CDHR2: variants seen among roughly 807,000 people sequenced by gnomAD.
The protein encoded by CDHR2 is cadherin-related family member 2.
CDHR2 carries 104 observed loss-of-function variants against 138.6 expected under a neutral mutation model. That is an observed-to-expected ratio of 0.75 (90% CI 0.64 to 0.88). CDHR2 has a LOEUF of 0.88. CDHR2 is among the 40% of genes least tolerant of loss of function. The pLI, the probability that CDHR2 is intolerant of heterozygous loss-of-function variation, is 0.00. For synonymous variants in CDHR2, 755 were observed against 742.8 expected (o/e 1.02, Z -0.27); for missense variants, 1,624 against 1,727.6 (o/e 0.94, Z 1.06).
chr5:176,564,688 A>AC (rs1252128262), intron 1 of CDHR2, among the ~76,000 whole-genome samples: 1 of 151,954 alleles, frequency 6.6e-6, no homozygotes, highest in Non-Finnish European at 1.5e-5. Flanking sequence ...CCCTCCCTAG[A>AC]CCCACCTGAC....
chr5:176,589,688 G>T, intron 24 of CDHR2, 72 bp downstream of exon 24: 1 of 1,302,290 alleles, frequency 7.7e-7, no homozygotes, highest in East Asian at 2.3e-5. Flanking sequence ...GACAAAACCT[G>T]GATGGGATGT....
chr5:176,548,861 A>T (rs949392638), upstream of CDHR2, among the ~76,000 whole-genome samples: 1 of 152,122 alleles, frequency 6.6e-6, no homozygotes, highest in South Asian at 2.1e-4. Flanking sequence ...ACAGGCTCGA[A>T]AGTGGGTTGT....
chr5:176,580,902 A>C (rs1288518529), intron 16 of CDHR2, among the ~76,000 whole-genome samples: 8 of 152,168 alleles, frequency 5.3e-5, no homozygotes, highest in Admixed American at 3.3e-4. Flanking sequence ...AAAAGAAAAA[A>C]TATGTATATA....
At chr5:176,573,490 A>T (rs968400887) in intron 6 of CDHR2, among the ~76,000 whole-genome samples, 4 of 149,122 alleles carry the variant, frequency 2.7e-5, no homozygotes, top group African/African-American at 9.9e-5. Flanking sequence ...AAATATATAT[A>T]AAAAAAATTA....
Position 176,589,202 on chromosome 5 carries a change from G to A in CDHR2, c.3008+20G>A. On this transcript the variant is annotated intron_variant, in intron 22 of 31. Transcript: ENST00000261944. Reference sequence around the variant, plus strand: ...CATTCAGTAACTGCGGGCGGCCCCGGGAGGGAGGTTGCGGGGAGGGGCCCG... The same window carrying A: ...CATTCAGTAACTGCGGGCGGCCCCGAGAGGGAGGTTGCGGGGAGGGGCCCG... The A allele has an allele frequency of 6.2e-7, 1 of 1,613,780 alleles. No homozygotes were observed.
intron 6 of CDHR2, among the ~76,000 whole-genome samples, chr5:176,572,341 T>C (rs1758257039): frequency 6.6e-6 from 1 of 151,398 alleles, no homozygotes; most frequent in Non-Finnish European, 1.5e-5. Flanking sequence ...TGAGCCGAGA[T>C]TGCACCATTG....
intron 24 of CDHR2, 61 bp downstream of exon 24, chr5:176,589,677 C>G: frequency 1.4e-6 from 2 of 1,426,826 alleles, no homozygotes. Flanking sequence ...GCCTGGTCCC[C>G]GACAAAACCT....
rs3749625 is a variant in CDHR2, at chr5:176,586,828, G to A, written c.2842G>A (p.Val948Met). ...IPELVLPNREVASVRARDDDS... is the reference protein window; with the variant it reads ...IPELVLPNREMASVRARDDDS... ...TGAACTCGTGCTGCCCAACCGGGAG[G>A]TGGCTTCTGTCCGGGTAAGTTCTTG... Residue 948 changes from valine (V) to methionine (M), a missense_variant, in exon 21 of 32, where the codon GTG (valine) becomes ATG (methionine). Around this residue, in one of 3 missense-constraint regions of CDHR2, gnomAD observed 556 missense variants for 565.7 expected, o/e 0.98. Transcript: ENST00000261944. 334 of 1,610,124 alleles carry A rather than the reference G, an allele frequency of 2.1e-4. 3 individuals carry two copies. The East Asian group carries it at 7.3e-3, about 35-fold the overall frequency.
At chr5:176,567,682 G>A (rs536724504) in intron 3 of CDHR2, among the ~76,000 whole-genome samples, 124 of 151,636 alleles carry the variant, frequency 8.2e-4, no homozygotes, top group Non-Finnish European at 1.5e-3. Context: ...TAGTAGAGAC[G>A]GGGTTTCACC....
chr5:176,580,128 A>ACGCACTCACACG (rs1231434636), intron 16 of CDHR2, among the ~76,000 whole-genome samples: 2 of 151,788 alleles, frequency 1.3e-5, no homozygotes, highest in Non-Finnish European at 2.9e-5. Flanking sequence ...ACACTCACGC[A>ACGCACTCACACG]CGCACTCACA....
In CDHR2 at chr5:176,584,462, C is replaced by T. The variant is rs780200322; in HGVS notation, c.2181C>T (p.Asn727=). Residue 727 remains asparagine (N), a synonymous_variant, in exon 19 of 32, where the codon AAC becomes AAT. Transcript: ENST00000261944. ...KAWDADQTEA[N]NRISFSLSGS... ...GGGACGCGGACCAGACGGAAGCCAA[C>T]AACCGCATCAGCTTCAGCCTGTCGG... is the stretch of plus-strand genomic sequence containing the variant. The T allele has an allele frequency of 1.2e-6, 2 of 1,608,688 alleles. No individual in the cohort carries two copies. Among genetic ancestry groups the T allele is most frequent in the Non-Finnish European group, 1.7e-6 (2 of 1,176,790 alleles).
At position 176,574,069 on chromosome 5, in the gene CDHR2, G is replaced by A; in HGVS notation, c.406-14G>A. ...CTGGATTTGAGCTCATAGGTGACGA[G>A]TCCCTCCCTGCAGACCCTGCCCGTG... On this transcript the variant is annotated splice_polypyrimidine_tract_variant and intron_variant, in intron 6 of 31. Transcript: ENST00000261944. 6.2e-7 allele frequency: 1 copy of A among 1,608,824 alleles called. No homozygotes were observed. The highest frequency in any genetic ancestry group is 1.1e-5 in the South Asian group (1 of 90,716).
chr5:176,547,954 T>C (rs1757621223), upstream of CDHR2, among the ~76,000 whole-genome samples: 1 of 152,150 alleles, frequency 6.6e-6, no homozygotes, highest in African/African-American at 2.4e-5. Flanking sequence ...TTCTGGGAAA[T>C]GTGTCATCAG....
intron 3 of CDHR2, among the ~76,000 whole-genome samples, chr5:176,568,388 AC>A (rs997195242): frequency 6.6e-6 from 1 of 152,232 alleles, no homozygotes; most frequent in African/African-American, 2.4e-5. Context: ...GTCTTGTGTC[AC>A]GGAAACTCGG....
At chr5:176,575,925 C>A (rs3762968) in intron 11 of CDHR2, 27 bp from the exon 12 acceptor site, 1,462,831 of 1,597,628 alleles carry the variant, frequency 0.92, 676,308 homozygotes, top group Non-Finnish European at 0.95. Context: ...TGGCTCTCTG[C>A]CCTCTGCCCT....
At chr5:176,564,929 GGT>G (rs1758045018) in intron 1 of CDHR2, among the ~76,000 whole-genome samples, 1 of 152,152 alleles carries the variant, frequency 6.6e-6, no homozygotes, top group African/African-American at 2.4e-5. Flanking sequence ...ATGGTGCAGT[GGT>G]TGAGAGAATG....
At position 176,577,634 on chromosome 5, in the gene CDHR2, C is replaced by T; in HGVS notation, c.1351-3C>T. The T allele has an allele frequency of 5.0e-6, 8 of 1,614,214 alleles. No individual in the cohort carries two copies. The East Asian group carries it at 6.7e-5, about 13-fold the overall frequency. The stretch of plus-strand genomic sequence containing the variant: ...CAGCTGCTGCCTCCTCCCCTGCCCC[C>T]AGGTTGTGGCCACAGACTCCGTCAG... On this transcript the variant is annotated splice_region_variant and splice_polypyrimidine_tract_variant and intron_variant, in intron 13 of 31. Coordinates refer to ENST00000261944, the MANE Select transcript of CDHR2 (RefSeq NM_017675.6).
At position 176,577,562 on chromosome 5, in the gene CDHR2, C is replaced by G; in HGVS notation, c.1350+8C>G. The G allele has an allele frequency of 6.2e-7, 1 of 1,613,718 alleles. No homozygotes were observed. The highest frequency in any genetic ancestry group is 1.1e-5 in the South Asian group (1 of 91,056). Reference sequence around the variant, plus strand: ...ACGGCGATGGCGGTGCAGGTGAGGGCTGCTCCGGGGTGCCAGGGGCAGAAG... The same window carrying G: ...ACGGCGATGGCGGTGCAGGTGAGGGGTGCTCCGGGGTGCCAGGGGCAGAAG... On this transcript the variant is annotated splice_region_variant and intron_variant, in intron 13 of 31. Transcript: ENST00000261944.
rs1000446015 is a variant in CDHR2 at position 176,569,086 on chromosome 5, C to T, written c.315+76C>T. 6.6e-6 allele frequency: 9 copies of T among 1,357,796 alleles called. 1 individual carries two copies. The highest frequency in any genetic ancestry group is 3.7e-5 in the Admixed American group (2 of 53,846). 84.1% of individuals were successfully genotyped at this position (1,357,796 alleles called of 1,614,324 possible). On this transcript the variant is annotated intron_variant, in intron 5 of 31. Transcript: ENST00000261944. The stretch of plus-strand genomic sequence containing the variant: ...TGATTGTGTCCCCACCTCCGGCAAG[C>T]GGACGGTGCCCCAGTTAACAGTGAA...
Sources: allele counts gnomAD v4.1 joint callset (sites outside exome capture counted in the v4.1 genomes callset), GRCh38; gene constraint gnomAD v4.1.1; regional missense constraint gnomAD v4.1.1; transcripts MANE v1.5; gene names NCBI Gene and HGNC (gene_info 2026-07-23, HGNC 2026-07-21).